Variants in PDE10A observed in about 807,000 individuals in gnomAD.
The protein encoded by PDE10A is cAMP and cAMP-inhibited cGMP 3',5'-cyclic phosphodiesterase 10A.
A neutral mutation model predicts 97.7 loss-of-function variants in PDE10A; 39 were observed. The observed-to-expected ratio is 0.40, with a 90% CI of 0.31 to 0.52. The LOEUF is 0.52. PDE10A is among the 20% of genes least tolerant of loss of function. The probability of loss-of-function intolerance (pLI) is 0.56; values close to 1 mark genes in which losing one functional copy is unlikely to be tolerated. For missense variants in PDE10A, 731 were observed against 1,047.8 expected, an observed-to-expected ratio of 0.70 and a Z score of 4.17; for synonymous variants, 371 against 376.8, an observed-to-expected ratio of 0.98 and a Z score of 0.18.
At chr6:165,962,957 T>C (rs1784402479) in intron 1 of PDE10A, among the ~76,000 whole-genome samples, 1 of 152,222 alleles carries the variant, frequency 6.6e-6, no homozygotes, top group Non-Finnish European at 1.5e-5. Flanking sequence ...GAAGCAAGCA[T>C]GCATACGTGA....
chr6:165,510,968 AC>A (rs1439812042), intron 2 of PDE10A, among the ~76,000 whole-genome samples: 1 of 151,688 alleles, frequency 6.6e-6, no homozygotes, highest in Admixed American at 6.6e-5. Context: ...CCAAAACCCA[AC>A]ATTTTGTTTC....
chr6:165,672,241 T>C (rs1194130734), intron 1 of PDE10A, among the ~76,000 whole-genome samples: 1 of 152,210 alleles, frequency 6.6e-6, no homozygotes, highest in Non-Finnish European at 1.5e-5. Flanking sequence ...TCTTTAAGCC[T>C]GCCAAAAACC....
intron 3 of PDE10A, among the ~76,000 whole-genome samples, chr6:165,465,208 CCATT>C (rs143315327): frequency 0.028 from 4,236 of 152,208 alleles, 198 homozygotes; most frequent in African/African-American, 0.094. Context: ...AAAAATCTAA[CCATT>C]CTGTAATGAG....
chr6:165,897,570 G>A (rs1310466624), intron 1 of PDE10A, among the ~76,000 whole-genome samples: 4 of 151,966 alleles, frequency 2.6e-5, no homozygotes, highest in African/African-American at 4.8e-5. Context: ...TGCTGATCTC[G>A]GCAGGAACTG....
intron 2 of PDE10A, among the ~76,000 whole-genome samples, chr6:165,485,577 T>TCTACACTG (rs1779866042): frequency 6.6e-6 from 1 of 151,254 alleles, no homozygotes; most frequent in Non-Finnish European, 1.5e-5. Flanking sequence ...ATCAAATGTG[T>TCTACACTG]CTACACTGAC....
chr6:165,395,075 T>G (rs1786051345), intron 15 of PDE10A, 106 bp downstream of exon 15: 2 of 661,988 alleles, frequency 3.0e-6, no homozygotes, highest in Non-Finnish European at 5.3e-6. Flanking sequence ...ACATGCAGTA[T>G]TTAAAAATAA....
chr6:165,733,997 G>A (rs898417387), intron 1 of PDE10A, among the ~76,000 whole-genome samples: 1 of 152,130 alleles, frequency 6.6e-6, no homozygotes, highest in African/African-American at 2.4e-5. Flanking sequence ...AATGGCATTT[G>A]CTTCATGTGT....
At chr6:165,499,230 C>T (rs182367361) in intron 2 of PDE10A, among the ~76,000 whole-genome samples, 13 of 152,276 alleles carry the variant, frequency 8.5e-5, no homozygotes, top group Admixed American at 2.0e-4. Flanking sequence ...GGACCAGCAG[C>T]AGAGGAGGAG....
intron 1 of PDE10A, among the ~76,000 whole-genome samples, chr6:165,854,365 G>A (rs563547928): frequency 2.5e-4 from 38 of 152,286 alleles, no homozygotes; most frequent in African/African-American, 8.4e-4. Flanking sequence ...CCTGGGGAAC[G>A]GGGAGTGAGG....
chr6:165,897,700 C>T (rs536122461), intron 1 of PDE10A, among the ~76,000 whole-genome samples: 34 of 150,992 alleles, frequency 2.3e-4, no homozygotes, highest in African/African-American at 8.0e-4. Flanking sequence ...CTTGGAGTTC[C>T]GACGTGTCCT....
At chr6:165,852,981 G>A (rs1019558377) in intron 1 of PDE10A, among the ~76,000 whole-genome samples, 7 of 152,218 alleles carry the variant, frequency 4.6e-5, no homozygotes, top group African/African-American at 1.4e-4. Context: ...GCTAGTGGAC[G>A]CCCGATGATC....
intron 2 of PDE10A, among the ~76,000 whole-genome samples, chr6:165,496,683 T>C (rs1780555839): frequency 6.6e-6 from 1 of 152,214 alleles, no homozygotes; most frequent in East Asian, 1.9e-4. Flanking sequence ...TTCTTTTACA[T>C]TACTGAAAAA....
intron 1 of PDE10A, among the ~76,000 whole-genome samples, chr6:165,721,338 C>A (rs543914340): frequency 3.3e-4 from 51 of 152,286 alleles, no homozygotes; most frequent in African/African-American, 1.2e-3. Flanking sequence ...TGGTAACGAA[C>A]GATTTCATTG....
chr6:165,631,903 A>G (rs1009008214), intron 1 of PDE10A, among the ~76,000 whole-genome samples: 5 of 152,196 alleles, frequency 3.3e-5, no homozygotes, highest in African/African-American at 1.2e-4. Flanking sequence ...ATATTGTTTT[A>G]AAGATACTGA....
intron 1 of PDE10A, among the ~76,000 whole-genome samples, chr6:165,638,923 C>T (rs1255517331): frequency 1.3e-5 from 2 of 152,278 alleles, no homozygotes; most frequent in East Asian, 3.9e-4. Flanking sequence ...TCTGTGTCCT[C>T]CAGATTTTGT....
At chr6:165,889,231 T>C (rs759488735) in intron 1 of PDE10A, among the ~76,000 whole-genome samples, 3 of 152,190 alleles carry the variant, frequency 2.0e-5, no homozygotes, top group Admixed American at 6.5e-5. Context: ...GTGTAAATCA[T>C]GGTGTGATGC....
chr6:165,635,583 T>C (rs981636163), intron 1 of PDE10A, among the ~76,000 whole-genome samples: 2 of 152,220 alleles, frequency 1.3e-5, no homozygotes, highest in African/African-American at 4.8e-5. Context: ...TATCTACTTT[T>C]AACTTATTCC....
At position 165,546,765 on chromosome 6, in the gene PDE10A, A is replaced by G. The variant is rs560616113; in HGVS notation, c.866-3197T>C. On this transcript the variant is annotated intron_variant, in intron 1 of 21. Transcript: ENST00000539869. ...CAGATAAACAAAAGGAAGAGTTCAGAATGATCCATGTGGTAATGAATTAAA... is the reference window on the plus strand; with the variant it reads ...CAGATAAACAAAAGGAAGAGTTCAGGATGATCCATGTGGTAATGAATTAAA... 3.9e-5 allele frequency among the ~76,000 whole-genome samples: 6 copies of G among 152,242 alleles called. No individual in the cohort carries two copies. The South Asian group carries it at 1.0e-3, about 26-fold the overall frequency.
chr6:165,666,042 G>A (rs777003816), upstream of PDE10A, among the ~76,000 whole-genome samples: 3 of 152,178 alleles, frequency 2.0e-5, no homozygotes, highest in Non-Finnish European at 4.4e-5. Flanking sequence ...TACAGCCTAA[G>A]AAATTTTGAA....
Sources: gnomAD v4.1 joint callset for allele counts (sites outside exome capture counted in the v4.1 genomes callset) on GRCh38, gnomAD v4.1.1 for gene constraint, MANE v1.5 for transcripts, NCBI Gene and HGNC (gene_info 2026-07-23, HGNC 2026-07-21) for gene names.